Variants in SRGAP2C observed in about 807,000 individuals in gnomAD.
SRGAP2C encodes SLIT-ROBO Rho GTPase-activating protein 2C.
Under a neutral mutation model 25.1 loss-of-function variants are expected in SRGAP2C, and 15 were observed. The observed-to-expected ratio is 0.60, with a 90% confidence interval of 0.40 to 0.92. The LOEUF (loss-of-function observed/expected upper bound fraction) is 0.92, where lower values mean the gene tolerates loss of function less well. Ranked by LOEUF, SRGAP2C falls within the 40% of genes least tolerant of loss-of-function variation. The pLI, the probability that SRGAP2C is intolerant of heterozygous loss-of-function variation, is 0.00. For synonymous variants in SRGAP2C, 44 were observed against 96.6 expected (o/e 0.46, Z 3.19); for missense variants, 144 against 264.4 (o/e 0.54, Z 3.16).
intron 3 of SRGAP2C, among the ~76,000 whole-genome samples, chr1:121,298,059 C>T (rs1657632553): frequency 6.6e-6 from 1 of 152,040 alleles, no homozygotes; most frequent in Non-Finnish European, 1.5e-5. Context: ...CACCTGTGGG[C>T]CCTCATGAAT....
At chr1:121,383,335 A>G (rs1553355580) in intron 8 of SRGAP2C, among the ~76,000 whole-genome samples, 1 of 150,882 alleles carries the variant, frequency 6.6e-6, no homozygotes, top group Non-Finnish European at 1.5e-5. Context: ...GTGAGGCTAG[A>G]AGAAATGAGA....
At chr1:121,238,399 T>C (rs1458107970) in intron 2 of SRGAP2C, among the ~76,000 whole-genome samples, 2 of 151,212 alleles carry the variant, frequency 1.3e-5, no homozygotes, top group Non-Finnish European at 3.0e-5. Context: ...ACACCAACAA[T>C]GTGCCTGGTA....
intron 2 of SRGAP2C, among the ~76,000 whole-genome samples, chr1:121,260,281 G>A (rs1427592132): frequency 1.3e-5 from 2 of 151,736 alleles, no homozygotes; most frequent in Non-Finnish European, 2.9e-5. Flanking sequence ...TGGATATTGG[G>A]GGAAAGGCAT....
At chr1:121,192,111 T>A (rs367854468) in intron 2 of SRGAP2C, among the ~76,000 whole-genome samples, 8 of 151,978 alleles carry the variant, frequency 5.3e-5, no homozygotes, top group Admixed American at 2.6e-4. Context: ...GGAATGTTGA[T>A]GGCTGGTATA....
chr1:121,377,046 G>A (rs1186168678), intron 7 of SRGAP2C, among the ~76,000 whole-genome samples: 2 of 149,912 alleles, frequency 1.3e-5, no homozygotes, highest in East Asian at 2.0e-4. Flanking sequence ...TCTCCATCAG[G>A]TATAACCAAG....
At chr1:121,372,879 GCA>G (rs199523525) in intron 5 of SRGAP2C, among the ~76,000 whole-genome samples, 931 of 63,122 alleles carry the variant, frequency 0.015, 241 homozygotes, top group African/African-American at 0.03. Flanking sequence ...ACACACACAT[GCA>G]CACACACACA....
At chr1:121,272,393 C>G (rs78292369) in intron 2 of SRGAP2C, among the ~76,000 whole-genome samples, 2 of 151,490 alleles carry the variant, frequency 1.3e-5, no homozygotes, top group Non-Finnish European at 2.9e-5. Flanking sequence ...CCAGGCAGTC[C>G]AGTTCCAGGG....
chr1:121,346,945 A>T (rs2993850), intron 4 of SRGAP2C, among the ~76,000 whole-genome samples: 1 of 152,170 alleles, frequency 6.6e-6, no homozygotes, highest in Admixed American at 6.5e-5. Context: ...CTTCTGGCCC[A>T]TAATACTCAC....
intron 2 of SRGAP2C, among the ~76,000 whole-genome samples, chr1:121,218,384 AT>A (rs1388992066): frequency 3.1e-5 from 2 of 65,420 alleles, no homozygotes; most frequent in African/African-American, 7.4e-5. Context: ...ATTTATTTTA[AT>A]TTTTTTTTGA....
intron 2 of SRGAP2C, among the ~76,000 whole-genome samples, chr1:121,243,994 A>AGGG (rs1656179987): frequency 6.8e-6 from 1 of 146,588 alleles, no homozygotes; most frequent in African/African-American, 2.6e-5. Flanking sequence ...TGGGAAGCAT[A>AGGG]TTGACAGTAT....
chr1:121,222,752 G>A (rs587736899), intron 2 of SRGAP2C, among the ~76,000 whole-genome samples: 70 of 152,270 alleles, frequency 4.6e-4, no homozygotes, highest in Non-Finnish European at 8.8e-4. Flanking sequence ...ACCATCAGAC[G>A]GGAGTGGCTA....
intron 2 of SRGAP2C, among the ~76,000 whole-genome samples, chr1:121,198,391 C>T (rs1350889985): frequency 1.6e-5 from 2 of 125,346 alleles, no homozygotes; most frequent in African/African-American, 6.2e-5. Flanking sequence ...CTTATCTTTG[C>T]TGTTTGAGCC....
intron 5 of SRGAP2C, among the ~76,000 whole-genome samples, chr1:121,368,279 CCTATAGTCCCAG>C (rs1553350118): frequency 7.5e-6 from 1 of 133,690 alleles, no homozygotes; most frequent in African/African-American, 2.9e-5. Context: ...GTGGTGGGCG[CCTATAGTCCCAG>C]CTACTCAGGA....
chr1:121,322,821 C>T (rs1193900150), intron 3 of SRGAP2C, among the ~76,000 whole-genome samples: 5 of 151,910 alleles, frequency 3.3e-5, no homozygotes, highest in Admixed American at 2.0e-4. Flanking sequence ...TTACAAATCA[C>T]AAGTGCCTGG....
chr1:121,295,825 G>A (rs1553338229), intron 3 of SRGAP2C, among the ~76,000 whole-genome samples: 14 of 151,838 alleles, frequency 9.2e-5, no homozygotes, highest in Admixed American at 4.6e-4. Context: ...GCAATGGCAC[G>A]ATCTCAGCTC....
At chr1:121,378,847 T>C (rs1342051747) in intron 7 of SRGAP2C, among the ~76,000 whole-genome samples, 1 of 152,202 alleles carries the variant, frequency 6.6e-6, no homozygotes, top group Non-Finnish European at 1.5e-5. Context: ...CCGACTTCTT[T>C]TTATAGTATA....
At chr1:121,264,007 G>A (rs1345088975) in intron 2 of SRGAP2C, among the ~76,000 whole-genome samples, 1 of 151,928 alleles carries the variant, frequency 6.6e-6, no homozygotes, top group Non-Finnish European at 1.5e-5. Flanking sequence ...TGTGAGGTGG[G>A]TAGGCAGGGG....
At chr1:121,218,808 T>C (rs1553325217) in intron 2 of SRGAP2C, among the ~76,000 whole-genome samples, 1 of 152,080 alleles carries the variant, frequency 6.6e-6, no homozygotes, top group Non-Finnish European at 1.5e-5. Flanking sequence ...GGGCCAGGGC[T>C]TTTTCTTAAA....
At chr1:121,358,860 GA>G (rs1345494311) in intron 4 of SRGAP2C, among the ~76,000 whole-genome samples, 1 of 16,532 alleles carries the variant, frequency 6.0e-5, no homozygotes, top group African/African-American at 2.2e-4. Flanking sequence ...GCTGGGACAG[GA>G]AAAAAAATTG....
Sources: gnomAD v4.1 joint callset for allele counts (sites outside exome capture counted in the v4.1 genomes callset) on GRCh38, gnomAD v4.1.1 for gene constraint, MANE v1.5 for transcripts, NCBI Gene and HGNC (gene_info 2026-07-23, HGNC 2026-07-21) for gene names.